PCDH15: variants seen among roughly 807,000 people sequenced by gnomAD.
PCDH15 encodes protocadherin related 15.
In PCDH15, 129 loss-of-function variants were observed where a neutral mutation model predicts 178.5. The ratio of observed to expected loss-of-function variants is 0.72; its 90% confidence interval spans 0.63 to 0.84. The LOEUF (loss-of-function observed/expected upper bound fraction) is 0.84, where lower values mean the gene tolerates loss of function less well. Ranked by LOEUF, PCDH15 falls within the 40% of genes least tolerant of loss-of-function variation. The pLI is 0.00. For missense variants in PCDH15, 2,230 were observed against 2,099.9 expected (o/e 1.06, Z -1.21); for synonymous variants, 800 against 732.0 (o/e 1.09, Z -1.50).
At chr10:54,005,966 C>G (rs148757430) in intron 20 of PCDH15, among the ~76,000 whole-genome samples, 251 of 152,136 alleles carry the variant, frequency 1.6e-3, no homozygotes, top group African/African-American at 5.7e-3. Flanking sequence ...CAAGGGAGTA[C>G]TATTTAACCA....
chr10:55,519,853 T>C (rs1251962533), intron 2 of PCDH15, among the ~76,000 whole-genome samples: 1 of 151,236 alleles, frequency 6.6e-6, no homozygotes, highest in Non-Finnish European at 1.5e-5. Flanking sequence ...AAGCATATGA[T>C]GTATATTACC....
chr10:54,893,867 A>G (rs1157326875), intron 3 of PCDH15, among the ~76,000 whole-genome samples: 1 of 152,120 alleles, frequency 6.6e-6, no homozygotes, highest in East Asian at 1.9e-4. Context: ...TAGGGAGAAG[A>G]AAATCAGTTA....
At chr10:54,717,551 C>T (rs1415125140) in intron 1 of PCDH15, among the ~76,000 whole-genome samples, 1 of 143,436 alleles carries the variant, frequency 7.0e-6, no homozygotes, top group Admixed American at 7.1e-5. Flanking sequence ...CAAATCAAAA[C>T]CACAATGAGA....
At chr10:54,253,755 A>C (rs1312376921) in intron 8 of PCDH15, among the ~76,000 whole-genome samples, 1 of 152,014 alleles carries the variant, frequency 6.6e-6, no homozygotes, top group Non-Finnish European at 1.5e-5. Context: ...GCTTGCTATA[A>C]ATTAAATCAT....
intron 1 of PCDH15, among the ~76,000 whole-genome samples, chr10:55,221,089 C>A (rs112518891): frequency 0.02 from 2,982 of 152,126 alleles, 53 homozygotes; most frequent in Non-Finnish European, 0.027. Context: ...GTCCCTAATA[C>A]TCATGACAAC....
chr10:54,285,499 G>A (rs2132833407), intron 8 of PCDH15, among the ~76,000 whole-genome samples: 1 of 152,158 alleles, frequency 6.6e-6, no homozygotes, highest in Non-Finnish European at 1.5e-5. Flanking sequence ...CTAATCTTCT[G>A]GGAAATGCAC....
intron 14 of PCDH15, among the ~76,000 whole-genome samples, chr10:54,136,581 T>C (rs1013780219): frequency 2.6e-5 from 4 of 152,316 alleles, no homozygotes; most frequent in African/African-American, 7.2e-5. Context: ...ACTACACTTA[T>C]TATACTTTTT....
intron 1 of PCDH15, among the ~76,000 whole-genome samples, chr10:54,797,740 G>A (rs961993961): frequency 2.0e-5 from 3 of 151,862 alleles, no homozygotes; most frequent in Non-Finnish European, 4.4e-5. Context: ...GTTGTCCTTC[G>A]GACAGAATAT....
intron 23 of PCDH15, among the ~76,000 whole-genome samples, chr10:53,944,793 G>T (rs2086385931): frequency 6.6e-6 from 1 of 152,210 alleles, no homozygotes; most frequent in Non-Finnish European, 1.5e-5. Context: ...TTATTTAGCA[G>T]ATATGAACTG....
intron 15 of PCDH15, among the ~76,000 whole-genome samples, chr10:54,107,451 G>A (rs906683031): frequency 2.0e-5 from 3 of 152,200 alleles, no homozygotes; most frequent in Non-Finnish European, 4.4e-5. Context: ...AGAGGGGGAG[G>A]AACATGCAGT....
intron 3 of PCDH15, among the ~76,000 whole-genome samples, chr10:54,851,664 G>A (rs555595294): frequency 5.3e-5 from 8 of 152,042 alleles, no homozygotes; most frequent in South Asian, 2.1e-4. Flanking sequence ...GCATGACCTC[G>A]GCTCACTGCA....
At chr10:55,401,594 C>CTCTGTGTGTG (rs775201579) in intron 2 of PCDH15, among the ~76,000 whole-genome samples, 1 of 133,114 alleles carries the variant, frequency 7.5e-6, no homozygotes, top group Non-Finnish European at 1.6e-5. Flanking sequence ...ATTTGCCTTA[C>CTCTGTGTGTG]TGTGTGTGTG....
chr10:54,729,096 GA>G (rs1942982560), intron 1 of PCDH15, among the ~76,000 whole-genome samples: 1 of 151,440 alleles, frequency 6.6e-6, no homozygotes, highest in Non-Finnish European at 1.5e-5. Context: ...AAACCAAAAA[GA>G]GCCTGAATAG....
At chr10:53,972,770 T>A (rs2089841182) in intron 21 of PCDH15, among the ~76,000 whole-genome samples, 1 of 152,040 alleles carries the variant, frequency 6.6e-6, no homozygotes, top group South Asian at 2.1e-4. Flanking sequence ...AGAATGGTGA[T>A]CATTAAAAAG....
intron 1 of PCDH15, among the ~76,000 whole-genome samples, chr10:55,219,364 A>G (rs1285780223): frequency 6.6e-6 from 1 of 151,936 alleles, no homozygotes; most frequent in Non-Finnish European, 1.5e-5. Context: ...CTATACTTAT[A>G]TTATTGCTAA....
intron 3 of PCDH15, among the ~76,000 whole-genome samples, chr10:54,400,719 T>G (rs1226238006): frequency 6.6e-6 from 1 of 152,028 alleles, no homozygotes; most frequent in East Asian, 1.9e-4. Flanking sequence ...AAAGTATCAT[T>G]TCCATGACAA....
intron 1 of PCDH15, among the ~76,000 whole-genome samples, chr10:54,767,987 T>A (rs1948703896): frequency 1.3e-5 from 2 of 152,176 alleles, no homozygotes; most frequent in South Asian, 2.1e-4. Context: ...TATCTAATTT[T>A]ACCAAATATA....
At chr10:54,817,202 ACTTT>A (rs1952961753) in intron 3 of PCDH15, among the ~76,000 whole-genome samples, 2 of 151,990 alleles carry the variant, frequency 1.3e-5, no homozygotes, top group African/African-American at 2.4e-5. Context: ...GTATTGTCAT[ACTTT>A]CTTTGTGAAA....
intron 26 of PCDH15, among the ~76,000 whole-genome samples, chr10:53,887,693 C>T (rs550017508): frequency 2.0e-5 from 3 of 152,218 alleles, no homozygotes; most frequent in South Asian, 2.1e-4. Context: ...TCCAGACCAT[C>T]CTGACTAACA....
Sources: allele counts gnomAD v4.1 joint callset (sites outside exome capture counted in the v4.1 genomes callset), GRCh38; gene constraint gnomAD v4.1.1; transcripts MANE v1.5; gene names NCBI Gene and HGNC (gene_info 2026-07-23, HGNC 2026-07-21).